MOGS: variants seen among roughly 807,000 people sequenced by gnomAD.
MOGS encodes the protein mannosyl-oligosaccharide glucosidase.
In MOGS, 45 loss-of-function variants were observed where a neutral mutation model predicts 68.5. The observed-to-expected ratio is 0.66, with a 90% confidence interval of 0.52 to 0.84. MOGS has a LOEUF of 0.84. Ranked by LOEUF, MOGS falls within the 40% of genes least tolerant of loss-of-function variation. The probability of loss-of-function intolerance (pLI) is 0.00; values close to 1 mark genes in which losing one functional copy is unlikely to be tolerated. For synonymous variants in MOGS, 492 were observed against 461.2 expected, an observed-to-expected ratio of 1.07 and a Z score of -0.86; for missense variants, 1,020 against 1,095.0, an observed-to-expected ratio of 0.93 and a Z score of 0.97.
rs1384761177 is a variant in MOGS, at chr2:74,461,136, A to G, written c.*139T>C. ...ATTCACCCCAGGGCTATGTGGGATG[A>G]CAGCAAGGAGACACCTGAGATGAAA... On this transcript the variant is annotated 3_prime_UTR_variant, in exon 4 of 4. Transcript: ENST00000448666. 19 of 931,604 alleles carry G rather than the reference A, an allele frequency of 2.0e-5. No individual in the cohort carries two copies. The highest frequency in any genetic ancestry group is 3.2e-5 in the Non-Finnish European group (19 of 596,592). The allele number at this position is 931,604 out of a possible 1,614,324, so 57.7% of individuals were successfully genotyped here. A position where few individuals can be genotyped will look rare whatever the true frequency, so the allele number is the denominator to read the frequency against.
At chr2:74,463,660 C>CTTTTTTTTTTTTTTTT (rs952902052) in intron 2 of MOGS, 1 of 188,218 alleles carries the variant, frequency 5.3e-6, no homozygotes, top group East Asian at 1.7e-4. Context: ...TCATTTAATT[C>CTTTTTTTTTTTTTTTT]TTTTTTTTTT....
chr2:74,464,834 G>C, intron 1 of MOGS, 62 bp downstream of exon 1: 1 of 1,567,636 alleles, frequency 6.4e-7, no homozygotes, highest in Non-Finnish European at 8.7e-7. Flanking sequence ...CCTTGCTCTC[G>C]CTTCAAGCTG....
rs1409682486 is a variant in MOGS, at chr2:74,463,001, A to G, written c.788T>C (p.Phe263Ser). Reference sequence around the variant, plus strand: ...GGGCAGTCCTGGGTTGGAGGTCCAGAAGACATTGTAGCTTGAAGGGGAGAA... The same window carrying G: ...GGGCAGTCCTGGGTTGGAGGTCCAGGAGACATTGTAGCTTGAAGGGGAGAA... Reference protein sequence around the residue: ...TAPKYGSYNVFWTSNPGLPLL... With the variant: ...TAPKYGSYNVSWTSNPGLPLL... The change falls in exon 4 of 4, where the codon TTC becomes TCC. Residue 263 changes from phenylalanine (F) to serine (S), a missense_variant. Physicochemically the swap from Phe to Ser is radical, Grantham distance 155. Coordinates refer to ENST00000448666, the MANE Select transcript of MOGS (RefSeq NM_006302.3). 6.2e-7 allele frequency: 1 copy of G among 1,614,084 alleles called. No homozygotes were observed. The highest frequency in any genetic ancestry group is 1.7e-5 in the Admixed American group (1 of 60,030).
rs139251863 is a variant in MOGS at position 74,463,123 on chromosome 2, C to G, written c.776+67G>C. The stretch of plus-strand genomic sequence containing the variant: ...AGGTTGGGAGGTCTCAGGCAGGGGA[C>G]ATGGAGACTGGTGAAAATGGGAATA... On this transcript the variant is annotated intron_variant, in intron 3 of 3. Transcript: ENST00000448666. 527 of 1,610,140 alleles carry G rather than the reference C, an allele frequency of 3.3e-4. 5 individuals carry two copies. In the East Asian group the frequency reaches 9.7e-3, roughly 30 times the overall value.
rs1395018220 is a variant in MOGS at position 74,461,325 on chromosome 2, A to G, written c.2464T>C (p.Phe822Leu). The stretch of plus-strand genomic sequence containing the variant: ...AAGACAAGGCTGGTCCAGCCGTGGA[A>G]AGGGCGGCAGCCCATGCCTCGCCCA... ...RDGRGMGCRPFHGWTSLVLLA... is the reference protein window; with the variant it reads ...RDGRGMGCRPLHGWTSLVLLA... The change falls in exon 4 of 4, where the codon TTC (phenylalanine) becomes CTC (leucine). Residue 822 changes from phenylalanine (F) to leucine (L), a missense_variant. By Grantham distance (22) the Phe-to-Leu change is conservative (BLOSUM62 0). Coordinates refer to ENST00000448666, the MANE Select transcript of MOGS (RefSeq NM_006302.3). 6.2e-7 allele frequency: 1 copy of G among 1,614,006 alleles called. No individual in the cohort carries two copies. Among genetic ancestry groups the G allele is most frequent in the Non-Finnish European group, 8.5e-7 (1 of 1,180,044 alleles).
At position 74,464,971 on chromosome 2, in the gene MOGS, C is replaced by G. The variant is rs746034608; in HGVS notation, c.277G>C (p.Asp93His). The change falls in exon 1 of 4, where the codon GAC (aspartate) becomes CAC (histidine). Residue 93 changes from aspartate (D) to histidine (H), a missense_variant. Physicochemically the swap from Asp to His is moderately conservative, Grantham distance 81. Around this residue, in one of 3 missense-constraint regions of MOGS, gnomAD observed 569 missense variants for 571.9 expected, o/e 0.99. Transcript: ENST00000448666. ...ADSSSPAVAP[D>H]LFWGTYRPHV... ...GGGCGGTAGGTTCCCCAGAAGAGGTCCGGGGCCACGGCGGGGCTGGAGGAG... is the reference window on the plus strand; with the variant it reads ...GGGCGGTAGGTTCCCCAGAAGAGGTGCGGGGCCACGGCGGGGCTGGAGGAG... The G allele has an allele frequency of 4.4e-6, 7 of 1,579,876 alleles. No homozygotes were observed. The African/African-American group carries it at 9.4e-5, about 21-fold the overall frequency.
chr2:74,464,374 G>T, intron 2 of MOGS, 122 bp downstream of exon 2: 1 of 811,406 alleles, frequency 1.2e-6, no homozygotes, highest in Non-Finnish European at 2.0e-6. Flanking sequence ...TGGTTATACA[G>T]GCAGTTGTTT....
rs1672015747 is a variant in MOGS, at chr2:74,464,675, T to C, written c.400A>G (p.Arg134Gly). The stretch of plus-strand genomic sequence containing the variant: ...CCGTCCCCCTGCTCACACGTGTGCC[T>C]GAGCTTAGGAGTCCCCGGGGTGGTG... ...QGTTPGTPKL[R>G]HTCEQGDGVG... The change falls in exon 2 of 4, where the codon AGG becomes GGG. Residue 134 changes from arginine (R) to glycine (G), a missense_variant. Around this residue, in one of 3 missense-constraint regions of MOGS, gnomAD observed 569 missense variants for 571.9 expected, o/e 0.99. Coordinates refer to ENST00000448666, the MANE Select transcript of MOGS (RefSeq NM_006302.3). 6.2e-7 allele frequency: 1 copy of C among 1,614,022 alleles called. No homozygotes were observed. Among genetic ancestry groups the C allele is most frequent in the Non-Finnish European group, 8.5e-7 (1 of 1,179,978 alleles).
In MOGS at chr2:74,465,138, G is replaced by T; in HGVS notation, c.110C>A (p.Pro37Gln). ...AGCCACTCCTCCAGCCGTGCTACGCGGCCCGCCGCCCCGGCCGTCCCGTCG... is the reference window on the plus strand; with the variant it reads ...AGCCACTCCTCCAGCCGTGCTACGCTGCCCGCCGCCCCGGCCGTCCCGTCG... ...PGRRDGRGGG[P>Q]RSTAGGVALA... Residue 37 changes from proline to glutamine, a missense_variant, in exon 1 of 4, where the codon CCG becomes CAG. Pro to Gln is a moderately conservative substitution (Grantham distance 76). This residue lies in a region of MOGS where 569 missense variants were observed against 571.9 expected (regional missense o/e 0.99). Coordinates refer to ENST00000448666, the MANE Select transcript of MOGS (RefSeq NM_006302.3). The T allele has an allele frequency of 6.5e-7, 1 of 1,533,076 alleles. No homozygotes were observed. The highest frequency in any genetic ancestry group is 1.7e-4 in the Middle Eastern group (1 of 5,924). 95.0% of individuals were successfully genotyped at this position (1,533,076 alleles called of 1,614,324 possible). A position where few individuals can be genotyped will look rare whatever the true frequency, so the allele number is the denominator to read the frequency against.
At chr2:74,463,565 A>T (rs1671988912) in intron 2 of MOGS, 179 bp from the exon 3 acceptor site, 1 of 661,736 alleles carries the variant, frequency 1.5e-6, no homozygotes, top group South Asian at 1.7e-5. Flanking sequence ...GCGGGATGAG[A>T]TAAAGAGCCT....
Position 74,462,988 on chromosome 2 carries a change from G to A in MOGS, c.801C>T (p.Asn267=). ...YGSYNVFWTS[N]PGLPLLTEMV... ...TCTCTGTCAGCAGGGGCAGTCCTGG[G>A]TTGGAGGTCCAGAAGACATTGTAGC... Residue 267 remains asparagine (N), a synonymous_variant, in exon 4 of 4, where the codon AAC becomes AAT. Coordinates refer to ENST00000448666, the MANE Select transcript of MOGS (RefSeq NM_006302.3). 3.7e-6 allele frequency: 6 copies of A among 1,614,106 alleles called. No individual in the cohort carries two copies. The highest frequency in any genetic ancestry group is 5.1e-6 in the Non-Finnish European group (6 of 1,180,042).
Position 74,461,719 on chromosome 2 carries a change from G to T in MOGS, c.2070C>A (p.Gly690=), listed in dbSNP as rs374059614. Reference sequence around the variant, plus strand: ...GCAGCAAGGGAAAAAGACTGACATAGCCAAGAGCATCTACATACTGCAGTT... The same window carrying T: ...GCAGCAAGGGAAAAAGACTGACATATCCAAGAGCATCTACATACTGCAGTT... ...QPQLQYVDAL[G]YVSLFPLLLR... Residue 690 remains glycine (G), a synonymous_variant, in exon 4 of 4, where the codon GGC becomes GGA. Coordinates refer to ENST00000448666, the MANE Select transcript of MOGS (RefSeq NM_006302.3). 3.7e-6 allele frequency: 6 copies of T among 1,614,218 alleles called. No individual in the cohort carries two copies. The highest frequency in any genetic ancestry group is 5.1e-6 in the Non-Finnish European group (6 of 1,180,046).
chr2:74,461,511 A>G lies in MOGS; in HGVS notation c.2278T>C (p.Tyr760His). Reference protein sequence around the residue: ...WRGAVWLNVNYLALGALHHYG... With the variant: ...WRGAVWLNVNHLALGALHHYG... Reference sequence around the variant, plus strand: ...TGGTGGAGTGCTCCCAAAGCCAGGTAGTTGACATTGAGCCACACAGCACCC... The same window carrying G: ...TGGTGGAGTGCTCCCAAAGCCAGGTGGTTGACATTGAGCCACACAGCACCC... Residue 760 changes from tyrosine (Y) to histidine (H), a missense_variant, in exon 4 of 4, where the codon TAC (tyrosine) becomes CAC (histidine). Tyr to His is a moderately conservative substitution (Grantham distance 83). This residue lies in a region of MOGS where 270 missense variants were observed against 261.3 expected (regional missense o/e 1.03). Coordinates refer to ENST00000448666, the MANE Select transcript of MOGS (RefSeq NM_006302.3). The G allele has an allele frequency of 1.2e-6, 2 of 1,613,990 alleles. No homozygotes were observed. Among genetic ancestry groups the G allele is most frequent in the Non-Finnish European group, 1.7e-6 (2 of 1,179,926 alleles).
chr2:74,462,918 C>T lies in MOGS; in HGVS notation c.871G>A (p.Gly291Arg). The change falls in exon 4 of 4, where the codon GGG (glycine) becomes AGG (arginine). Residue 291 changes from glycine (G) to arginine (R), a missense_variant. By Grantham distance (125) the Gly-to-Arg change is moderately radical (BLOSUM62 -2). Coordinates refer to ENST00000448666, the MANE Select transcript of MOGS (RefSeq NM_006302.3). Reference protein sequence around the residue: ...LNSWFQHRPPGAPPERYLGLP... With the variant: ...LNSWFQHRPPRAPPERYLGLP... ...CCGAGGTAGCGTTCAGGGGGGGCCC[C>T]TGGGGGCCGATGCTGAAACCAGCTA... The T allele has an allele frequency of 6.2e-7, 1 of 1,614,178 alleles. No homozygotes were observed. Among genetic ancestry groups the T allele is most frequent in the South Asian group, 1.1e-5 (1 of 91,088 alleles).
At position 74,461,168 on chromosome 2, in the gene MOGS, A is replaced by C. The variant is rs758616515; in HGVS notation, c.*107T>G. The C allele has an allele frequency of 4.0e-6, 5 of 1,237,618 alleles. No individual in the cohort carries two copies. The highest frequency in any genetic ancestry group is 5.8e-6 in the Non-Finnish European group (5 of 862,252). The allele number at this position is 1,237,618 out of a possible 1,614,324, so 76.7% of individuals were successfully genotyped here. ...GGAGACACCTGAGATGAAATGAGGAAGGTTTGAATTACTGGTATCCAAGGG... is the reference window on the plus strand; with the variant it reads ...GGAGACACCTGAGATGAAATGAGGACGGTTTGAATTACTGGTATCCAAGGG... On this transcript the variant is annotated 3_prime_UTR_variant, in exon 4 of 4. Coordinates refer to ENST00000448666, the MANE Select transcript of MOGS (RefSeq NM_006302.3).
At position 74,461,076 on chromosome 2, in the gene MOGS, T is replaced by C. The variant is rs1671889119; in HGVS notation, c.*199A>G. On this transcript the variant is annotated 3_prime_UTR_variant, in exon 4 of 4. Coordinates refer to ENST00000448666, the MANE Select transcript of MOGS (RefSeq NM_006302.3). ...AAGCAATAGAGTTCAAAATGTTTTT[T>C]CCAATTTATTTAGAAAAATAGACTC... 5 of 702,048 alleles carry C rather than the reference T, an allele frequency of 7.1e-6. No individual in the cohort carries two copies. The highest frequency in any genetic ancestry group is 5.5e-5 in the South Asian group (3 of 54,056). The allele number at this position is 702,048 out of a possible 1,614,324, so 43.5% of individuals were successfully genotyped here. A position where few individuals can be genotyped will look rare whatever the true frequency, so the allele number is the denominator to read the frequency against.
At position 74,461,722 on chromosome 2, in the gene MOGS, A is replaced by G; in HGVS notation, c.2067T>C (p.Leu689=). The change falls in exon 4 of 4, where the codon CTT becomes CTC. Residue 689 remains leucine, a synonymous_variant. Transcript: ENST00000448666. ...GCAAGGGAAAAAGACTGACATAGCCAAGAGCATCTACATACTGCAGTTGAG... is the reference window on the plus strand; with the variant it reads ...GCAAGGGAAAAAGACTGACATAGCCGAGAGCATCTACATACTGCAGTTGAG... The part of the protein sequence containing the change: ...PQPQLQYVDA[L]GYVSLFPLLL... The G allele has an allele frequency of 6.2e-7, 1 of 1,614,224 alleles. No individual in the cohort carries two copies. The highest frequency in any genetic ancestry group is 1.1e-5 in the South Asian group (1 of 91,082).
rs952902052 is a variant in MOGS, at chr2:74,463,660, C to CTTTT, written c.580-278_580-275dup. ...TCTACACAGTTGATTTCATTTAATT[C>CTTTT]TTTTTTTTTTTTTTTTTTTTTGAGG... On this transcript the variant is annotated intron_variant, in intron 2 of 3. Coordinates refer to ENST00000448666, the MANE Select transcript of MOGS (RefSeq NM_006302.3). 98 of 197,712 alleles carry CTTTT rather than the reference C, an allele frequency of 5.0e-4. 1 individual carries two copies. The highest frequency in any genetic ancestry group is 3.5e-3 in the East Asian group (21 of 5,976). The allele number at this position is 197,712 out of a possible 1,614,324, so 12.2% of individuals were successfully genotyped here. A position where few individuals can be genotyped will look rare whatever the true frequency, so the allele number is the denominator to read the frequency against.
intron 2 of MOGS, 51 bp downstream of exon 2, chr2:74,464,445 G>A: frequency 6.3e-7 from 1 of 1,581,068 alleles, no homozygotes; most frequent in Non-Finnish European, 8.7e-7. Flanking sequence ...TGGCAGCAAG[G>A]GAAGGATGGA....
Sources: allele counts gnomAD v4.1 joint callset, GRCh38; gene constraint gnomAD v4.1.1; regional missense constraint gnomAD v4.1.1; transcripts MANE v1.5; gene names NCBI Gene and HGNC (gene_info 2026-07-23, HGNC 2026-07-21).